IGF2BP3: variants seen among roughly 807,000 people sequenced by gnomAD.
IGF2BP3 encodes insulin like growth factor 2 mRNA binding protein 3.
In IGF2BP3, 9 loss-of-function variants were observed where a neutral mutation model predicts 73.8. That is an observed-to-expected ratio of 0.12 (90% CI 0.07 to 0.21). The LOEUF is 0.21. Ranked by LOEUF, IGF2BP3 falls within the 10% of genes least tolerant of loss-of-function variation. The pLI, the probability that IGF2BP3 is intolerant of heterozygous loss-of-function variation, is 1.00. For synonymous variants in IGF2BP3, 258 were observed against 256.7 expected (o/e 1.01, Z -0.05); for missense variants, 542 against 714.0 (o/e 0.76, Z 2.75).
intron 10 of IGF2BP3, among the ~76,000 whole-genome samples, chr7:23,341,126 A>C (rs530876872): frequency 7.4e-4 from 112 of 152,262 alleles, no homozygotes; most frequent in South Asian, 1.2e-3. Context: ...CTGGGATTAC[A>C]GGTGTGAGCC....
intron 10 of IGF2BP3, 73 bp downstream of exon 10, chr7:23,341,991 A>T: frequency 7.0e-7 from 1 of 1,431,794 alleles, no homozygotes; most frequent in South Asian, 1.5e-5. Context: ...ATCTAAACAG[A>T]TGATCACGCG....
In IGF2BP3 at chr7:23,469,676, C is replaced by A. The variant is rs118003225; in HGVS notation, c.175+260G>T. ...CGCGCCTCCCCCAGCCCCGCGCCCCCCTTAGCCAGCGCCGGGGCTTTCTTG... is the reference window on the plus strand; with the variant it reads ...CGCGCCTCCCCCAGCCCCGCGCCCCACTTAGCCAGCGCCGGGGCTTTCTTG... On this transcript the variant is annotated intron_variant, in intron 1 of 14. Transcript: ENST00000258729. The surrounding 1 kb of genome is among the most constrained non-coding windows in gnomAD (Gnocchi z 6.1). Among the ~76,000 whole-genome samples, 6 of 151,582 alleles carry A rather than the reference C, an allele frequency of 4.0e-5. No individual in the cohort carries two copies. The highest frequency in any genetic ancestry group is 5.9e-5 in the Non-Finnish European group (4 of 67,772).
In IGF2BP3 at chr7:23,361,506, T is replaced by C. The variant is rs752440471; in HGVS notation, c.401+28A>G. On this transcript the variant is annotated intron_variant, in intron 5 of 14. Transcript: ENST00000258729. ...TACTGTACTTAACTTAGTTATTATA[T>C]ATAGATTAAAAGCTTCAAGCTGCTT... 15 of 1,575,488 alleles carry C rather than the reference T, an allele frequency of 9.5e-6. No homozygotes were observed. The Admixed American group carries it at 1.5e-4, about 16-fold the overall frequency.
chr7:23,324,622 A>T (rs1330541778), intron 10 of IGF2BP3, among the ~76,000 whole-genome samples: 2 of 91,364 alleles, frequency 2.2e-5, no homozygotes, highest in Non-Finnish European at 4.2e-5. Context: ...CAACCAAAAA[A>T]GAGAATTTTA....
chr7:23,460,531 C>CA (rs11292731), intron 2 of IGF2BP3, among the ~76,000 whole-genome samples: 140 of 140,958 alleles, frequency 9.9e-4, no homozygotes, highest in East Asian at 6.2e-3. Flanking sequence ...AACTCCATCT[C>CA]AAAAAAAAAA....
chr7:23,417,865 C>T (rs1168485369), intron 3 of IGF2BP3, among the ~76,000 whole-genome samples: 1 of 152,138 alleles, frequency 6.6e-6, no homozygotes, highest in African/African-American at 2.4e-5. Context: ...GCAATATATT[C>T]AGCATATACC....
intron 8 of IGF2BP3, among the ~76,000 whole-genome samples, chr7:23,345,579 GC>G (rs1271604518): frequency 3.3e-5 from 5 of 152,314 alleles, no homozygotes; most frequent in Middle Eastern, 3.4e-3. Flanking sequence ...ACAAAAACTA[GC>G]TGAGCAATTA....
At chr7:23,320,634 T>C (rs920744213) in intron 10 of IGF2BP3, among the ~76,000 whole-genome samples, 1 of 144,190 alleles carries the variant, frequency 6.9e-6, no homozygotes, top group African/African-American at 2.6e-5. Context: ...GCCAGTAATA[T>C]GCTTTTGTTT....
chr7:23,378,131 T>C (rs1785785142), intron 3 of IGF2BP3, among the ~76,000 whole-genome samples: 1 of 152,130 alleles, frequency 6.6e-6, no homozygotes, highest in East Asian at 1.9e-4. Context: ...TTAAAAAAAT[T>C]AAAAATGTTT....
At chr7:23,333,489 T>C (rs995597628) in intron 10 of IGF2BP3, among the ~76,000 whole-genome samples, 1 of 152,216 alleles carries the variant, frequency 6.6e-6, no homozygotes, top group Non-Finnish European at 1.5e-5. Flanking sequence ...GGGCTGTCCA[T>C]GTTCTTGTTT....
intron 3 of IGF2BP3, among the ~76,000 whole-genome samples, chr7:23,412,758 G>C (rs543074293): frequency 6.7e-6 from 1 of 149,996 alleles, no homozygotes; most frequent in African/African-American, 2.5e-5. Flanking sequence ...TACTTATTAG[G>C]AGTTTTGATT....
In IGF2BP3 at chr7:23,469,579, AG is replaced by A. The variant is rs1788657670; in HGVS notation, c.175+356del. ...GGAACGAGGCACAGGCGGGCATTCT[AG>A]CTCGGCCCCCGAGGCCCAGCGTGCC... is the stretch of plus-strand genomic sequence containing the variant. On this transcript the variant is annotated intron_variant, in intron 1 of 14. Coordinates refer to ENST00000258729, the MANE Select transcript of IGF2BP3 (RefSeq NM_006547.3). This position sits in a 1 kb window ranked among gnomAD's most constrained non-coding sequence, Gnocchi z 6.1. 1 of 155,402 alleles carries A rather than the reference AG, an allele frequency of 6.4e-6. No individual in the cohort carries two copies. Among genetic ancestry groups the A allele is most frequent in the Admixed American group, 6.5e-5 (1 of 15,362 alleles). 9.6% of individuals were successfully genotyped at this position (155,402 alleles called of 1,614,324 possible).
At chr7:23,341,571 G>A (rs1198072545) in intron 10 of IGF2BP3, among the ~76,000 whole-genome samples, 1 of 152,142 alleles carries the variant, frequency 6.6e-6, no homozygotes, top group Non-Finnish European at 1.5e-5. Context: ...TCAGGAGGCT[G>A]AGGCATGAGA....
At chr7:23,334,713 G>A (rs1784527634) in intron 10 of IGF2BP3, among the ~76,000 whole-genome samples, 1 of 152,218 alleles carries the variant, frequency 6.6e-6, no homozygotes, top group African/African-American at 2.4e-5. Flanking sequence ...CTCAACTACG[G>A]CTTGAAATAA....
rs182005512 is a variant in IGF2BP3 at position 23,336,568 on chromosome 7, C to T, written c.1203+5496G>A. On this transcript the variant is annotated intron_variant, in intron 10 of 14. Coordinates refer to ENST00000258729, the MANE Select transcript of IGF2BP3 (RefSeq NM_006547.3). ...TCACCCAGGCGGGAGTGCAGTGGCACGATCTCGGCTCATTGCAACCTCCAC... is the reference window on the plus strand; with the variant it reads ...TCACCCAGGCGGGAGTGCAGTGGCATGATCTCGGCTCATTGCAACCTCCAC... 2.0e-3 allele frequency among the ~76,000 whole-genome samples: 304 copies of T among 151,970 alleles called. 2 individuals carry two copies. Among genetic ancestry groups the T allele is most frequent in the African/African-American group, 5.8e-3 (242 of 41,410 alleles).
intron 3 of IGF2BP3, among the ~76,000 whole-genome samples, chr7:23,385,963 T>C (rs1349308411): frequency 6.6e-6 from 1 of 152,230 alleles, no homozygotes; most frequent in Non-Finnish European, 1.5e-5. Context: ...TATGTGATGA[T>C]ATTGATTTTT....
intron 2 of IGF2BP3, among the ~76,000 whole-genome samples, chr7:23,451,609 A>C (rs1340874197): frequency 6.6e-6 from 1 of 152,044 alleles, no homozygotes; most frequent in Non-Finnish European, 1.5e-5. Flanking sequence ...ACAAAACAAA[A>C]CAGACCTCTA....
chr7:23,412,969 C>T (rs1260324822), intron 3 of IGF2BP3, among the ~76,000 whole-genome samples: 1 of 146,442 alleles, frequency 6.8e-6, no homozygotes, highest in African/African-American at 2.5e-5. Context: ...AAGAGGTTCC[C>T]CTGACTCAAC....
intron 3 of IGF2BP3, among the ~76,000 whole-genome samples, chr7:23,389,724 T>G (rs1255996854): frequency 6.6e-6 from 1 of 151,294 alleles, no homozygotes; most frequent in East Asian, 1.9e-4. Context: ...CTGGGTGTGG[T>G]AGCTCATGCT....
Sources: gnomAD v4.1 joint callset for allele counts (sites outside exome capture counted in the v4.1 genomes callset) on GRCh38, gnomAD v4.1.1 for gene constraint, Gnocchi (gnomAD v3.1) non-coding constraint, MANE v1.5 for transcripts, NCBI Gene and HGNC (gene_info 2026-07-23, HGNC 2026-07-21) for gene names.